CTNNA3: variants seen among roughly 807,000 people sequenced by gnomAD.
CTNNA3 encodes the protein catenin alpha-3.
In CTNNA3, 76 loss-of-function variants were observed where a neutral mutation model predicts 95.7. The ratio of observed to expected loss-of-function variants is 0.79; its 90% CI spans 0.66 to 0.96. CTNNA3 has a LOEUF of 0.96. Among genes scored for constraint, CTNNA3 ranks in the 40% least tolerant of loss-of-function variants. The probability of loss-of-function intolerance (pLI) is 0.00; values close to 1 mark genes in which losing one functional copy is unlikely to be tolerated. For synonymous variants in CTNNA3, 431 were observed against 374.4 expected, an observed-to-expected ratio of 1.15 and a Z score of -1.74; for missense variants, 1,191 against 1,089.8, an observed-to-expected ratio of 1.09 and a Z score of -1.31.
At chr10:66,362,571 G>T (rs999749620) in intron 12 of CTNNA3, among the ~76,000 whole-genome samples, 3 of 151,826 alleles carry the variant, frequency 2.0e-5, no homozygotes, top group African/African-American at 7.2e-5. Flanking sequence ...AAATTAGCCG[G>T]GTGTGGTGGT....
At chr10:66,790,526 G>A (rs1271087857) in intron 7 of CTNNA3, among the ~76,000 whole-genome samples, 2 of 152,056 alleles carry the variant, frequency 1.3e-5, no homozygotes, top group African/African-American at 2.4e-5. Context: ...AGAGACAAAG[G>A]CTAAAGAGTA....
At chr10:66,529,462 T>A (rs1471642829) in intron 10 of CTNNA3, among the ~76,000 whole-genome samples, 4 of 150,838 alleles carry the variant, frequency 2.7e-5, no homozygotes, top group South Asian at 2.1e-4. Flanking sequence ...TTTTTTTTTT[T>A]AATAAAAAAA....
At chr10:67,153,703 A>T (rs1309133203) in intron 7 of CTNNA3, among the ~76,000 whole-genome samples, 1 of 152,202 alleles carries the variant, frequency 6.6e-6, no homozygotes, top group Non-Finnish European at 1.5e-5. Flanking sequence ...GGAGTAAAGT[A>T]TGTTTTACGT....
At chr10:67,658,243 T>C (rs991969614) in intron 1 of CTNNA3, among the ~76,000 whole-genome samples, 6 of 152,154 alleles carry the variant, frequency 3.9e-5, no homozygotes, top group African/African-American at 1.4e-4. Flanking sequence ...AAAATGAGAA[T>C]AATAAGAGTA....
chr10:67,213,096 G>C (rs77126269), intron 6 of CTNNA3, among the ~76,000 whole-genome samples: 129 of 151,876 alleles, frequency 8.5e-4, no homozygotes, highest in Non-Finnish European at 1.6e-3. Context: ...AGTAAAAACT[G>C]TTAACTACTA....
intron 5 of CTNNA3, among the ~76,000 whole-genome samples, chr10:67,450,342 C>T (rs1846927519): frequency 1.3e-5 from 2 of 152,150 alleles, no homozygotes; most frequent in Non-Finnish European, 2.9e-5. Context: ...AAGACATATG[C>T]ACATGAATGT....
intron 7 of CTNNA3, among the ~76,000 whole-genome samples, chr10:67,132,667 C>T (rs1310515647): frequency 2.0e-5 from 3 of 151,888 alleles, no homozygotes; most frequent in East Asian, 1.9e-4. Flanking sequence ...AAGGAACCAA[C>T]CTAAGTGTCC....
Position 66,766,269 on chromosome 10 carries a change from C to A in CTNNA3, c.1276G>T (p.Val426Leu), listed in dbSNP as rs576608598. 1.9e-6 allele frequency: 3 copies of A among 1,613,658 alleles called. No individual in the cohort carries two copies. In the Admixed American group the frequency reaches 5.0e-5, roughly 27 times the overall value. ...TACAGTTCTAGCATGCTTACCTCTA[C>A]AAGCCTGCTGGTGTGTTCATGAAAT... Reference protein sequence around the residue: ...AIFHEHTSRLVEVANLACSMS... With the variant: ...AIFHEHTSRLLEVANLACSMS... Residue 426 changes from valine to leucine, a missense_variant, in exon 9 of 18, where the codon GTA becomes TTA. Transcript: ENST00000433211.
chr10:67,236,332 T>TA (rs1480490045), intron 5 of CTNNA3, among the ~76,000 whole-genome samples: 1 of 151,144 alleles, frequency 6.6e-6, no homozygotes, highest in South Asian at 2.1e-4. Context: ...TATGCAGCCA[T>TA]AAAAAATGAT....
At chr10:65,951,136 A>T (rs1242826523) in intron 17 of CTNNA3, among the ~76,000 whole-genome samples, 2 of 152,220 alleles carry the variant, frequency 1.3e-5, no homozygotes, top group Non-Finnish European at 2.9e-5. Flanking sequence ...ACTGATGCAG[A>T]TTGCTTAAGC....
intron 15 of CTNNA3, among the ~76,000 whole-genome samples, chr10:66,000,385 G>T (rs2078747656): frequency 6.6e-6 from 1 of 152,070 alleles, no homozygotes; most frequent in African/African-American, 2.4e-5. Context: ...ATTAACTAGG[G>T]CTATGGCTTA....
At chr10:67,741,989 G>T (rs1046681214) in intron 1 of CTNNA3, among the ~76,000 whole-genome samples, 8 of 151,182 alleles carry the variant, frequency 5.3e-5, no homozygotes, top group South Asian at 2.1e-4. Context: ...CAATACAGGA[G>T]CACCCAGATT....
At chr10:66,227,053 T>G (rs2089327911) in intron 13 of CTNNA3, among the ~76,000 whole-genome samples, 1 of 152,104 alleles carries the variant, frequency 6.6e-6, no homozygotes, top group African/African-American at 2.4e-5. Flanking sequence ...TTTAAAGAGA[T>G]AGGGTCTCAC....
intron 6 of CTNNA3, among the ~76,000 whole-genome samples, chr10:67,182,866 C>A (rs1226066284): frequency 1.3e-5 from 2 of 152,062 alleles, no homozygotes; most frequent in African/African-American, 4.8e-5. Flanking sequence ...ACCCCATCAA[C>A]AACTGGGCAA....
At chr10:66,493,623 A>C (rs1412855339) in intron 11 of CTNNA3, among the ~76,000 whole-genome samples, 1 of 93,692 alleles carries the variant, frequency 1.1e-5, no homozygotes, top group African/African-American at 9.3e-5. Flanking sequence ...TTTTTTTGAG[A>C]CCGAGTCTCG....
At chr10:66,399,124 T>A (rs529365083) in intron 11 of CTNNA3, among the ~76,000 whole-genome samples, 1 of 151,994 alleles carries the variant, frequency 6.6e-6, no homozygotes, top group Non-Finnish European at 1.5e-5. Context: ...TGTAAAATAA[T>A]AATCTGGGTG....
intron 4 of CTNNA3, among the ~76,000 whole-genome samples, chr10:67,523,229 C>T (rs1359849637): frequency 6.6e-6 from 1 of 152,144 alleles, no homozygotes; most frequent in Non-Finnish European, 1.5e-5. Context: ...TCATTTAGAA[C>T]CTACTATGCA....
chr10:66,598,675 G>A lies in CTNNA3; in HGVS notation c.1374+23017C>T, dbSNP rs142863529. Among the ~76,000 whole-genome samples, 791 of 151,426 alleles carry A rather than the reference G, an allele frequency of 5.2e-3. 14 individuals are homozygous for A. The highest frequency in any genetic ancestry group is 0.018 in the African/African-American group (735 of 41,302). On this transcript the variant is annotated intron_variant, in intron 10 of 17. Coordinates refer to ENST00000433211, the MANE Select transcript of CTNNA3 (RefSeq NM_013266.4). ...AGCTACATAAAGAACAAAATACTTA[G>A]GAATAAATCTAACTGGAAAGATGAA... is the stretch of plus-strand genomic sequence containing the variant.
intron 3 of CTNNA3, among the ~76,000 whole-genome samples, chr10:67,566,556 A>C (rs1437566943): frequency 2.0e-4 from 30 of 152,058 alleles, no homozygotes; most frequent in African/African-American, 5.5e-4. Flanking sequence ...AATAGGAACA[A>C]TTTTACACTG....
Sources: gnomAD v4.1 joint callset for allele counts (sites outside exome capture counted in the v4.1 genomes callset) on GRCh38, gnomAD v4.1.1 for gene constraint, MANE v1.5 for transcripts, NCBI Gene and HGNC (gene_info 2026-07-23, HGNC 2026-07-21) for gene names.